Variants in SLC35F3 observed in about 807,000 individuals in gnomAD.
SLC35F3 encodes putative thiamine transporter SLC35F3.
Under a neutral mutation model 49.9 loss-of-function variants are expected in SLC35F3, and 25 were observed. The observed-to-expected ratio is 0.50, with a 90% CI of 0.37 to 0.70. The LOEUF (loss-of-function observed/expected upper bound fraction) is 0.70, where lower values mean the gene tolerates loss of function less well. SLC35F3 is among the 30% of genes least tolerant of loss of function. The probability of loss-of-function intolerance (pLI) is 0.00; values close to 1 mark genes in which losing one functional copy is unlikely to be tolerated. For missense variants in SLC35F3, 525 were observed against 639.8 expected, an observed-to-expected ratio of 0.82 and a Z score of 1.94; for synonymous variants, 275 against 265.4, an observed-to-expected ratio of 1.04 and a Z score of -0.35.
At chr1:233,967,369 C>A (rs2102815239) in intron 2 of SLC35F3, among the ~76,000 whole-genome samples, 1 of 152,216 alleles carries the variant, frequency 6.6e-6, no homozygotes, top group Admixed American at 6.5e-5. Flanking sequence ...GTAGTTTTAA[C>A]TTTACCTTAT....
At position 234,083,435 on chromosome 1, in the gene SLC35F3, C is replaced by T. The variant is rs1664912343; in HGVS notation, c.284-147982C>T. ...CATTGCTCTGTTGTGCATTGGCATT[C>T]GACCTGGACTGCTTTCTGTTGAGTT... On this transcript the variant is annotated intron_variant, in intron 2 of 7. Coordinates refer to ENST00000366618, the MANE Select transcript of SLC35F3 (RefSeq NM_173508.4). 2.0e-5 allele frequency among the ~76,000 whole-genome samples: 3 copies of T among 152,128 alleles called. No individual in the cohort carries two copies. The South Asian group carries it at 6.2e-4, about 32-fold the overall frequency.
At chr1:234,113,025 C>G (rs1665431855) in intron 2 of SLC35F3, among the ~76,000 whole-genome samples, 1 of 151,382 alleles carries the variant, frequency 6.6e-6, no homozygotes, top group Non-Finnish European at 1.5e-5. Context: ...CCCAGGAGTT[C>G]GAGACCAGCC....
chr1:233,987,244 G>A (rs941795821), intron 2 of SLC35F3, among the ~76,000 whole-genome samples: 1 of 152,070 alleles, frequency 6.6e-6, no homozygotes, highest in Non-Finnish European at 1.5e-5. Context: ...AGCCAAGATC[G>A]CACCACTGCA....
chr1:234,011,822 C>A (rs994313391), intron 2 of SLC35F3, among the ~76,000 whole-genome samples: 3 of 152,076 alleles, frequency 2.0e-5, no homozygotes, highest in African/African-American at 7.2e-5. Context: ...AAGGGGTGGC[C>A]TGCCCCTCCA....
At chr1:234,054,149 G>A (rs1289673817) in intron 2 of SLC35F3, among the ~76,000 whole-genome samples, 1 of 152,118 alleles carries the variant, frequency 6.6e-6, no homozygotes, top group Non-Finnish European at 1.5e-5. Context: ...GAGTATCTTT[G>A]TGGCATTCTC....
intron 2 of SLC35F3, among the ~76,000 whole-genome samples, chr1:234,159,129 G>A (rs994729378): frequency 1.3e-5 from 2 of 152,056 alleles, no homozygotes; most frequent in South Asian, 2.1e-4. Context: ...TCACACACAC[G>A]AATGTGAAGT....
At chr1:234,032,093 C>T (rs1399435304) in intron 2 of SLC35F3, among the ~76,000 whole-genome samples, 1 of 152,180 alleles carries the variant, frequency 6.6e-6, no homozygotes, top group East Asian at 1.9e-4. Context: ...TGCATTGATA[C>T]TTCGTGATTG....
At chr1:234,258,048 G>A (rs1178232472) in intron 3 of SLC35F3, among the ~76,000 whole-genome samples, 1 of 152,170 alleles carries the variant, frequency 6.6e-6, no homozygotes, top group Non-Finnish European at 1.5e-5. Flanking sequence ...CTGAGATGGT[G>A]GTATTGCAGT....
At chr1:233,981,100 C>A (rs1305376226) in intron 2 of SLC35F3, among the ~76,000 whole-genome samples, 1 of 152,202 alleles carries the variant, frequency 6.6e-6, no homozygotes, top group African/African-American at 2.4e-5. Flanking sequence ...ATGCCTCATT[C>A]AGTTTTCCCC....
intron 3 of SLC35F3, among the ~76,000 whole-genome samples, chr1:234,278,758 G>C (rs963755263): frequency 4.6e-5 from 7 of 151,876 alleles, no homozygotes; most frequent in South Asian, 2.1e-4. Flanking sequence ...CTGTCTTCTT[G>C]TTGTACCCTT....
rs10910397 is a variant in SLC35F3 at position 234,248,939 on chromosome 1, C to A, written c.608+17198C>A. Among the ~76,000 whole-genome samples the A allele has an allele frequency of 6.8e-3, 1,029 of 152,274 alleles. 9 individuals carry two copies. Among genetic ancestry groups the A allele is most frequent in the African/African-American group, 0.023 (970 of 41,538 alleles). ...AAACCTTCAGATACGTGTGAGGGAT[C>A]CTCCAGGTTTCTTCTGTTGGAATCC... is the stretch of plus-strand genomic sequence containing the variant. On this transcript the variant is annotated intron_variant, in intron 3 of 7. Coordinates refer to ENST00000366618, the MANE Select transcript of SLC35F3 (RefSeq NM_173508.4).
intron 2 of SLC35F3, among the ~76,000 whole-genome samples, chr1:233,981,408 A>G (rs1244249846): frequency 6.6e-6 from 1 of 152,142 alleles, no homozygotes; most frequent in African/African-American, 2.4e-5. Context: ...ATGGAATCAT[A>G]TCGTATAATC....
rs144685989 is a variant in SLC35F3, at chr1:234,105,858, T to G, written c.284-125559T>G. ...CCAGCTAATAAAACGTAAATGGAGA[T>G]GAGGCATGTTACTTCTGGGTAGAAG... On this transcript the variant is annotated intron_variant, in intron 2 of 7. Transcript: ENST00000366618. Among the ~76,000 whole-genome samples, 14 of 152,304 alleles carry G rather than the reference T, an allele frequency of 9.2e-5. No homozygotes were observed. The East Asian group carries it at 2.7e-3, about 29-fold the overall frequency.
chr1:234,323,204 G>C lies in SLC35F3; in HGVS notation c.1434G>C (p.Gln478His). The change falls in exon 8 of 8, where the codon CAG (glutamine) becomes CAC (histidine). Residue 478 changes from glutamine to histidine, a missense_variant. By Grantham distance (24) the Gln-to-His change is conservative. Around this residue, in one of 4 missense-constraint regions of SLC35F3, gnomAD observed 76 missense variants for 95.6 expected, o/e 0.80. Coordinates refer to ENST00000366618, the MANE Select transcript of SLC35F3 (RefSeq NM_173508.4). This position sits in a 1 kb window ranked among gnomAD's most constrained non-coding sequence, Gnocchi z 4.5. Reference sequence around the variant, plus strand: ...CTGCCGACCTGAGCTCAGGACCTCAGAGCAAGAACAGAAGAGCCCGCCCTT... The same window carrying C: ...CTGCCGACCTGAGCTCAGGACCTCACAGCAAGAACAGAAGAGCCCGCCCTT... ...EGAADLSSGP[Q>H]SKNRRARPSF... is the part of the protein sequence containing the mutation. 1.9e-6 allele frequency: 3 copies of C among 1,614,128 alleles called. No individual in the cohort carries two copies. Among genetic ancestry groups the C allele is most frequent in the Non-Finnish European group, 2.5e-6 (3 of 1,180,018 alleles).
At chr1:234,321,434 G>T (rs1286120506) in intron 7 of SLC35F3, among the ~76,000 whole-genome samples, 2 of 152,182 alleles carry the variant, frequency 1.3e-5, no homozygotes, top group Non-Finnish European at 2.9e-5. Context: ...ATTTCAAAAT[G>T]CAGAAAGCAC....
chr1:234,313,863 A>G (rs1657417850), intron 4 of SLC35F3, among the ~76,000 whole-genome samples: 1 of 152,252 alleles, frequency 6.6e-6, no homozygotes, highest in Admixed American at 6.5e-5. Context: ...AATGTAACAT[A>G]TGTGCATACT....
At position 234,210,854 on chromosome 1, in the gene SLC35F3, G is replaced by A. The variant is rs554630608; in HGVS notation, c.284-20563G>A. On this transcript the variant is annotated intron_variant, in intron 2 of 7. Coordinates refer to ENST00000366618, the MANE Select transcript of SLC35F3 (RefSeq NM_173508.4). ...AAATTTGCATAAATAACAAGGAGCT[G>A]AATGTTAATCACCAAGACAATGGGG... is the stretch of plus-strand genomic sequence containing the variant. Among the ~76,000 whole-genome samples the A allele has an allele frequency of 3.3e-5, 5 of 152,372 alleles. No individual in the cohort carries two copies. In the South Asian group the frequency reaches 1.0e-3, roughly 32 times the overall value.
chr1:234,263,097 T>C (rs1267996609), intron 3 of SLC35F3, among the ~76,000 whole-genome samples: 1 of 152,108 alleles, frequency 6.6e-6, no homozygotes, highest in Non-Finnish European at 1.5e-5. Context: ...AAGGAGTTGC[T>C]ATGTACCTCA....
chr1:233,937,787 G>T (rs1571987309), intron 2 of SLC35F3, among the ~76,000 whole-genome samples: 1 of 152,218 alleles, frequency 6.6e-6, no homozygotes, highest in Non-Finnish European at 1.5e-5. Flanking sequence ...GGCTGGGTCA[G>T]TGGGGATGCA....
Sources: gnomAD v4.1 joint callset for allele counts (sites outside exome capture counted in the v4.1 genomes callset) on GRCh38, gnomAD v4.1.1 for gene constraint, gnomAD v4.1.1 regional missense constraint, Gnocchi (gnomAD v3.1) non-coding constraint, MANE v1.5 for transcripts, NCBI Gene and HGNC (gene_info 2026-07-23, HGNC 2026-07-21) for gene names.